The following GALK2 variants were observed in gnomAD, a reference collection of about 807,000 sequenced individuals.
The protein encoded by GALK2 is galactokinase 2, also known as N-acetylgalactosamine kinase.
Under a neutral mutation model 52.4 loss-of-function variants are expected in GALK2, and 36 were observed. The ratio of observed to expected loss-of-function variants is 0.69; its 90% CI spans 0.53 to 0.91. The LOEUF is 0.91. Among genes scored for constraint, GALK2 ranks in the 40% least tolerant of loss-of-function variants. GALK2 has a pLI of 0.00. For missense variants in GALK2, 579 were observed against 559.1 expected (o/e 1.04, Z -0.36); for synonymous variants, 176 against 199.1 (o/e 0.88, Z 0.98).
chr15:49,278,167 A>G (rs1316257938), intron 5 of GALK2, among the ~76,000 whole-genome samples: 4 of 152,190 alleles, frequency 2.6e-5, no homozygotes, highest in Non-Finnish European at 5.9e-5. Flanking sequence ...AGGCTGAGGC[A>G]GGAGAATGGC....
chr15:49,259,642 A>G (rs2091996433), intron 5 of GALK2, among the ~76,000 whole-genome samples: 3 of 149,004 alleles, frequency 2.0e-5, no homozygotes, highest in Non-Finnish European at 4.4e-5. Context: ...GGTTAGTTAC[A>G]TATGTATACA....
chr15:49,367,337 G>A, intron 3 of GALK2: 1 of 972,188 alleles, frequency 1.0e-6, no homozygotes, highest in African/African-American at 1.7e-5. Flanking sequence ...CTAAACAGAA[G>A]CATTGATAAA....
chr15:49,344,274 G>A lies in GALK2; in HGVS notation c.427-23217G>A, dbSNP rs577343116. ...TTCATTTTTCTGTGTCTTTTCATCT[G>A]TTACATACAAATACATATTTTACAA... On this transcript the variant is annotated intron_variant, in intron 3 of 3. Transcript: ENST00000558399. 2.6e-5 allele frequency: 4 copies of A among 152,162 alleles called. No individual in the cohort carries two copies. The South Asian group carries it at 8.3e-4, about 32-fold the overall frequency. The allele number at this position is 152,162 out of a possible 1,614,324, so 9.4% of individuals were successfully genotyped here. A position where few individuals can be genotyped will look rare whatever the true frequency, so the allele number is the denominator to read the frequency against.
intron 5 of GALK2, among the ~76,000 whole-genome samples, chr15:49,246,348 T>G (rs1165383599): frequency 1.3e-5 from 2 of 152,190 alleles, no homozygotes; most frequent in Non-Finnish European, 2.9e-5. Context: ...TAGACTAGCA[T>G]CTATCCACAA....
chr15:49,223,135 A>G lies in GALK2; in HGVS notation c.266+5822A>G, dbSNP rs149064759. Reference sequence around the variant, plus strand: ...TGGTATGTTGTGTGTTTAGGAATTTATCAATTTCCTTTAGGTTTTCTGGTT... The same window carrying G: ...TGGTATGTTGTGTGTTTAGGAATTTGTCAATTTCCTTTAGGTTTTCTGGTT... On this transcript the variant is annotated intron_variant, in intron 3 of 9. Coordinates refer to ENST00000560031, the MANE Select transcript of GALK2 (RefSeq NM_002044.4). 5.9e-5 allele frequency: 9 copies of G among 152,178 alleles called. No individual in the cohort carries two copies. In the East Asian group the frequency reaches 1.7e-3, roughly 29 times the overall value. The allele number at this position is 152,178 out of a possible 1,614,324, so 9.4% of individuals were successfully genotyped here. A position where few individuals can be genotyped will look rare whatever the true frequency, so the allele number is the denominator to read the frequency against.
intron 3 of GALK2, among the ~76,000 whole-genome samples, chr15:49,357,584 T>G (rs2043390258): frequency 6.6e-6 from 1 of 151,268 alleles, no homozygotes; most frequent in Non-Finnish European, 1.5e-5. Flanking sequence ...GCTGAAATTG[T>G]GGCAATAATC....
At chr15:49,360,945 A>G (rs971862604) in intron 3 of GALK2, among the ~76,000 whole-genome samples, 4 of 152,138 alleles carry the variant, frequency 2.6e-5, no homozygotes, top group Non-Finnish European at 5.9e-5. Context: ...GTGAATCCTT[A>G]CACATAGACA....
intron 3 of GALK2, among the ~76,000 whole-genome samples, chr15:49,359,789 T>A (rs139498456): frequency 8.6e-6 from 1 of 116,112 alleles, no homozygotes; most frequent in African/African-American, 3.3e-5. Flanking sequence ...CACATGCACA[T>A]GTATGTTTAT....
Position 49,331,706 on chromosome 15 carries a change from T to G in GALK2, c.*3547T>G, listed in dbSNP as rs2038789586. 1.1e-6 allele frequency: 1 copy of G among 929,694 alleles called. No individual in the cohort carries two copies. The allele number at this position is 929,694 out of a possible 1,614,324, so 57.6% of individuals were successfully genotyped here. ...TTTGGGTGTGCCACCATACATTGCT[T>G]ATGAAATATTGTCCAGTCTATATAA... On this transcript the variant is annotated 3_prime_UTR_variant, in exon 10 of 10. Coordinates refer to ENST00000560031, the MANE Select transcript of GALK2 (RefSeq NM_002044.4).
intron 1 of GALK2, among the ~76,000 whole-genome samples, chr15:49,184,341 TC>T (rs2086196408): frequency 6.6e-6 from 1 of 152,190 alleles, no homozygotes; most frequent in Non-Finnish European, 1.5e-5. Context: ...TCATCTGTTT[TC>T]TTTTTCAGTC....
At chr15:49,365,099 C>T in intron 3 of GALK2, 3 of 669,386 alleles carry the variant, frequency 4.5e-6, no homozygotes, top group Non-Finnish European at 8.1e-6. Flanking sequence ...ATCAATGACA[C>T]ATTATAGCAG....
chr15:49,243,309 A>T (rs958632019), intron 5 of GALK2, among the ~76,000 whole-genome samples: 18 of 152,232 alleles, frequency 1.2e-4, no homozygotes, highest in Non-Finnish European at 2.5e-4. Context: ...AAACTGGGAG[A>T]TTAGAGGACA....
chr15:49,227,342 T>A (rs1022277776), intron 3 of GALK2, among the ~76,000 whole-genome samples: 2 of 152,198 alleles, frequency 1.3e-5, no homozygotes, highest in African/African-American at 4.8e-5. Context: ...AGTTGTCATA[T>A]CCTTTGCTAA....
chr15:49,239,144 T>C lies in GALK2; in HGVS notation c.358-77T>C, dbSNP rs896911930. On this transcript the variant is annotated intron_variant, in intron 4 of 9. Transcript: ENST00000560031. ...AGTCTATTGATAGACTTTTGTTCTC[T>C]GGGGAATGAAAGAAGCTTTCACTAC... 8 of 1,282,804 alleles carry C rather than the reference T, an allele frequency of 6.2e-6. No homozygotes were observed. The Admixed American group carries it at 1.4e-4, about 22-fold the overall frequency. 79.5% of individuals were successfully genotyped at this position (1,282,804 alleles called of 1,614,324 possible). A position where few individuals can be genotyped will look rare whatever the true frequency, so the allele number is the denominator to read the frequency against.
At chr15:49,321,595 G>A (rs1195817262) in intron 9 of GALK2, among the ~76,000 whole-genome samples, 1 of 152,128 alleles carries the variant, frequency 6.6e-6, no homozygotes, top group East Asian at 1.9e-4. Context: ...GTAGGTAAGA[G>A]TTATCTTAGA....
intron 3 of GALK2, among the ~76,000 whole-genome samples, chr15:49,233,874 T>A (rs2090642365): frequency 6.6e-6 from 1 of 152,198 alleles, no homozygotes; most frequent in African/African-American, 2.4e-5. Flanking sequence ...GTGCCATTAC[T>A]GTTTGGTAGT....
At chr15:49,205,943 C>T (rs1566935985) in intron 2 of GALK2, among the ~76,000 whole-genome samples, 1 of 152,178 alleles carries the variant, frequency 6.6e-6, no homozygotes, top group Non-Finnish European at 1.5e-5. Flanking sequence ...TTCATTCTCC[C>T]ACATGTGGCT....
At chr15:49,358,097 AAG>A (rs1223154669) in intron 3 of GALK2, among the ~76,000 whole-genome samples, 9 of 151,964 alleles carry the variant, frequency 5.9e-5, no homozygotes, top group Admixed American at 5.2e-4. Context: ...TCAAAATAAT[AAG>A]AGCTATCTAT....
chr15:49,357,419 C>T (rs1293319625), intron 3 of GALK2, among the ~76,000 whole-genome samples: 3 of 151,124 alleles, frequency 2.0e-5, no homozygotes, highest in Non-Finnish European at 4.4e-5. Flanking sequence ...ACCGATCCCA[C>T]AGAAATACAA....
Sources: allele counts gnomAD v4.1 joint callset (sites outside exome capture counted in the v4.1 genomes callset), GRCh38; gene constraint gnomAD v4.1.1; transcripts MANE v1.5; gene names NCBI Gene and HGNC (gene_info 2026-07-23, HGNC 2026-07-21).